CALN1: variants seen among roughly 807,000 people sequenced by gnomAD.
CALN1 encodes calcium-binding protein 8.
CALN1 carries 17 observed loss-of-function variants against 30.6 expected under a neutral mutation model. The observed-to-expected ratio is 0.56, with a 90% CI of 0.38 to 0.83. The LOEUF (loss-of-function observed/expected upper bound fraction) is 0.83. Ranked by LOEUF, CALN1 falls within the 40% of genes least tolerant of loss-of-function variation. The pLI is 0.00. For synonymous variants in CALN1, 156 were observed against 131.4 expected (o/e 1.19, Z -1.28); for missense variants, 291 against 354.9 (o/e 0.82, Z 1.45).
At chr7:72,160,050 G>A (rs1411589784) in intron 3 of CALN1, among the ~76,000 whole-genome samples, 1 of 152,108 alleles carries the variant, frequency 6.6e-6, no homozygotes, top group Non-Finnish European at 1.5e-5. Context: ...GCAAGGGCTT[G>A]TCTGGGCAAC....
At chr7:71,876,067 G>A (rs1792226922) in intron 5 of CALN1, among the ~76,000 whole-genome samples, 1 of 152,078 alleles carries the variant, frequency 6.6e-6, no homozygotes, top group South Asian at 2.1e-4. Flanking sequence ...TTCATGGTAG[G>A]TTATGTTTTG....
In CALN1 at chr7:72,106,141, C is replaced by G; in HGVS notation, c.388+10G>C. The G allele has an allele frequency of 6.2e-6, 10 of 1,612,590 alleles. No homozygotes were observed. Among genetic ancestry groups the G allele is most frequent in the Non-Finnish European group, 8.5e-6 (10 of 1,179,320 alleles). The stretch of plus-strand genomic sequence containing the variant: ...TGTCTCAGGGGAGAAGCTGCTTGTC[C>G]GGGTCTTACCGTCCATGTCCAAGCG... On this transcript the variant is annotated intron_variant, in intron 4 of 6. Transcript: ENST00000395275.
At chr7:72,256,604 A>T (rs978468121) in intron 3 of CALN1, among the ~76,000 whole-genome samples, 4 of 151,106 alleles carry the variant, frequency 2.6e-5, no homozygotes, top group African/African-American at 9.7e-5. Context: ...TCAATCAATT[A>T]TTTTTTTTTC....
chr7:72,006,102 C>CA (rs1450849047), intron 5 of CALN1, among the ~76,000 whole-genome samples: 1 of 152,128 alleles, frequency 6.6e-6, no homozygotes, highest in East Asian at 1.9e-4. Context: ...CCTACAACTG[C>CA]ATGTGAGTCT....
At chr7:72,161,795 C>A (rs942616285) in intron 3 of CALN1, among the ~76,000 whole-genome samples, 1 of 151,948 alleles carries the variant, frequency 6.6e-6, no homozygotes, top group Non-Finnish European at 1.5e-5. Context: ...AGAGGGAGAG[C>A]ATCCGGAAGA....
At chr7:72,038,373 A>AT (rs60584202) in intron 4 of CALN1, among the ~76,000 whole-genome samples, 2,239 of 144,636 alleles carry the variant, frequency 0.015, 45 homozygotes, top group African/African-American at 0.04. Context: ...CCTAGTATCT[A>AT]TTTTTTTTTT....
chr7:71,802,032 G>T (rs1346358918), intron 6 of CALN1, among the ~76,000 whole-genome samples: 2 of 151,638 alleles, frequency 1.3e-5, no homozygotes, highest in Non-Finnish European at 2.9e-5. Context: ...GCAATTACTT[G>T]TGCACCAACC....
At chr7:71,820,025 A>T (rs1399784671) in intron 5 of CALN1, among the ~76,000 whole-genome samples, 2 of 152,214 alleles carry the variant, frequency 1.3e-5, no homozygotes, top group Non-Finnish European at 2.9e-5. Flanking sequence ...TCAGGCCCAA[A>T]TATTAAAGTT....
chr7:72,266,089 G>A (rs994180657), intron 3 of CALN1, among the ~76,000 whole-genome samples: 1 of 151,646 alleles, frequency 6.6e-6, no homozygotes, highest in African/African-American at 2.4e-5. Flanking sequence ...AGCAGTGAAG[G>A]CACCACCACA....
intron 6 of CALN1, among the ~76,000 whole-genome samples, chr7:71,804,895 G>T (rs1222066237): frequency 1.3e-5 from 2 of 152,204 alleles, no homozygotes; most frequent in African/African-American, 4.8e-5. Context: ...CCAGGTGGCA[G>T]AGGTTGCAGT....
At chr7:72,304,111 C>T (rs1408406177) in intron 2 of CALN1, among the ~76,000 whole-genome samples, 4 of 152,310 alleles carry the variant, frequency 2.6e-5, no homozygotes, top group Non-Finnish European at 5.9e-5. Flanking sequence ...GCTAAGCCCT[C>T]CCCCGAAACC....
chr7:72,201,588 AAAAAAAAAGAAAG>A (rs1269643392), intron 3 of CALN1, among the ~76,000 whole-genome samples: 4 of 151,214 alleles, frequency 2.6e-5, no homozygotes, highest in East Asian at 3.9e-4. Flanking sequence ...TCCATTTCGG[AAAAAAAAAGAAAG>A]AAAAAAAAGA....
chr7:71,791,227 T>A (rs1366286970), intron 6 of CALN1, among the ~76,000 whole-genome samples: 1 of 152,210 alleles, frequency 6.6e-6, no homozygotes, highest in South Asian at 2.1e-4. Flanking sequence ...CCACATTTCC[T>A]TTATCCAATC....
rs71069028 is a variant in CALN1 at position 72,140,276 on chromosome 7, A to AAGAG, written c.245-33986_245-33983dup. Among the ~76,000 whole-genome samples the AAGAG allele has an allele frequency of 7.2e-3, 868 of 119,868 alleles. 11 individuals are homozygous for AAGAG. Among genetic ancestry groups the AAGAG allele is most frequent in the African/African-American group, 0.022 (692 of 30,942 alleles). 78.6% of individuals were successfully genotyped at this position (119,868 alleles called of 152,430 possible). ...ACAGAGTGAGACCTTGTCTCAAAAT[A>AAGAG]AGAGAGAGAGAGAGAGAGAGAGAGA... On this transcript the variant is annotated intron_variant, in intron 3 of 6. Transcript: ENST00000395275.
rs569471319 is a variant in CALN1 at position 72,090,588 on chromosome 7, C to CA, written c.388+15562dup. ...GCTAGAAATGGTAACAAATACACAACAAAAACCCACAAAAACATCAATTCC... is the reference window on the plus strand; with the variant it reads ...GCTAGAAATGGTAACAAATACACAACAAAAAACCCACAAAAACATCAATTCC... On this transcript the variant is annotated intron_variant, in intron 4 of 6. Coordinates refer to ENST00000395275, the MANE Select transcript of CALN1 (RefSeq NM_031468.4). Among the ~76,000 whole-genome samples the CA allele has an allele frequency of 1.8e-3, 275 of 152,186 alleles. 2 individuals carry two copies. Among genetic ancestry groups the CA allele is most frequent in the Middle Eastern group, 6.8e-3 (2 of 294 alleles).
intron 5 of CALN1, among the ~76,000 whole-genome samples, chr7:71,864,230 G>C (rs1452064251): frequency 6.6e-6 from 1 of 152,186 alleles, no homozygotes; most frequent in Admixed American, 6.5e-5. Flanking sequence ...TTCACTTGAG[G>C]ATGGGATATC....
At chr7:71,997,069 A>G (rs1161966244) in intron 5 of CALN1, among the ~76,000 whole-genome samples, 1 of 152,110 alleles carries the variant, frequency 6.6e-6, no homozygotes, top group African/African-American at 2.4e-5. Context: ...TTCTACAAAA[A>G]CAAATTTAAA....
chr7:72,452,901 C>G, the CALN1 span, among the ~76,000 whole-genome samples: 1 of 152,132 alleles, frequency 6.6e-6, no homozygotes, highest in Non-Finnish European at 1.5e-5. Context: ...GCCAGGCTCT[C>G]CAGACCACAA....
intron 3 of CALN1, among the ~76,000 whole-genome samples, chr7:72,253,045 G>A (rs1795673673): frequency 6.6e-6 from 1 of 152,164 alleles, no homozygotes; most frequent in Admixed American, 6.5e-5. Context: ...CAAGGCTCTG[G>A]AAGGGATGAG....
Sources: gnomAD v4.1 joint callset for allele counts (sites outside exome capture counted in the v4.1 genomes callset) on GRCh38, gnomAD v4.1.1 for gene constraint, MANE v1.5 for transcripts, NCBI Gene and HGNC (gene_info 2026-07-23, HGNC 2026-07-21) for gene names.